The following ZNF600 variants were observed in gnomAD, a reference collection of about 807,000 sequenced individuals.
ZNF600 encodes the protein zinc finger protein KR-ZNF1.
A neutral mutation model predicts 7.3 loss-of-function variants in ZNF600; 4 were observed. The observed-to-expected ratio is 0.55, with a 90% CI of 0.27 to 1.25. The LOEUF (loss-of-function observed/expected upper bound fraction) is 1.25. Ranked by LOEUF, ZNF600 falls within the 50% of genes most tolerant of loss-of-function variation. The pLI, the probability that ZNF600 is intolerant of heterozygous loss-of-function variation, is 0.12. For missense variants in ZNF600, 911 were observed against 922.1 expected (o/e 0.99, Z 0.16); for synonymous variants, 290 against 308.9 (o/e 0.94, Z 0.64).
chr19:52,772,018 T>C (rs1010525374), intron 3 of ZNF600, among the ~76,000 whole-genome samples: 1 of 152,198 alleles, frequency 6.6e-6, no homozygotes, highest in African/African-American at 2.4e-5. Context: ...ACAAAGGAAG[T>C]TGAGTGTGTA....
At chr19:52,810,249 C>A in the ZNF600 span, 1 of 1,279,896 alleles carries the variant, frequency 7.8e-7, no homozygotes, top group Non-Finnish European at 1.1e-6. Flanking sequence ...GAGTCTACCT[C>A]CAGGCAATGC....
At chr19:52,822,763 T>C in the ZNF600 span, among the ~76,000 whole-genome samples, 1 of 152,184 alleles carries the variant, frequency 6.6e-6, no homozygotes, top group African/African-American at 2.4e-5. Flanking sequence ...CCACGTCTTT[T>C]TGACAAGTGT....
intron 1 of ZNF600, among the ~76,000 whole-genome samples, chr19:52,784,120 G>A (rs1362028318): frequency 6.6e-6 from 1 of 152,104 alleles, no homozygotes; most frequent in Non-Finnish European, 1.5e-5. Flanking sequence ...CCGGCATGGC[G>A]GCTCATCCCT....
chr19:52,812,207 C>T, the ZNF600 span, among the ~76,000 whole-genome samples: 36 of 133,372 alleles, frequency 2.7e-4, 4 homozygotes, highest in Admixed American at 4.4e-4. Context: ...TCTGCCCGGC[C>T]GCCCCTACTG....
the ZNF600 span, among the ~76,000 whole-genome samples, chr19:52,822,795 G>A: frequency 2.0e-5 from 3 of 152,154 alleles, no homozygotes; most frequent in Non-Finnish European, 4.4e-5. Flanking sequence ...CATGGAGGCA[G>A]GTGCCGTCTC....
chr19:52,830,860 T>C, the ZNF600 span, among the ~76,000 whole-genome samples: 5 of 142,726 alleles, frequency 3.5e-5, no homozygotes, highest in East Asian at 2.1e-4. Flanking sequence ...GAGTGAACTT[T>C]GTGCATGCAC....
chr19:52,803,389 G>C, the ZNF600 span, among the ~76,000 whole-genome samples: 1 of 152,080 alleles, frequency 6.6e-6, no homozygotes, highest in Admixed American at 6.6e-5. Context: ...GGCACTTTGT[G>C]ACATTATCTA....
the ZNF600 span, among the ~76,000 whole-genome samples, chr19:52,831,419 C>T: frequency 6.6e-6 from 1 of 152,096 alleles, no homozygotes; most frequent in African/African-American, 2.4e-5. Flanking sequence ...AAGCAATTCT[C>T]TTGCCTCAGC....
intron 3 of ZNF600, among the ~76,000 whole-genome samples, chr19:52,771,274 T>C (rs80134449): frequency 6.6e-6 from 1 of 152,056 alleles, no homozygotes; most frequent in Admixed American, 6.6e-5. Flanking sequence ...TGACATCTTG[T>C]TCTTGGATTT....
chr19:52,800,376 G>C, the ZNF600 span: 10 of 1,614,004 alleles, frequency 6.2e-6, no homozygotes, highest in South Asian at 5.5e-5. Flanking sequence ...TTTCTCTCCA[G>C]TATGAATCCT....
chr19:52,783,711 T>A (rs2062742292), intron 1 of ZNF600, among the ~76,000 whole-genome samples: 1 of 152,154 alleles, frequency 6.6e-6, no homozygotes, highest in African/African-American at 2.4e-5. Flanking sequence ...TCTCCATCTG[T>A]TTCTTTTCTG....
chr19:52,771,629 C>T (rs1327285642), intron 3 of ZNF600, among the ~76,000 whole-genome samples: 3 of 152,082 alleles, frequency 2.0e-5, no homozygotes, highest in African/African-American at 7.2e-5. Flanking sequence ...AGGTGTATAC[C>T]AACACACCCA....
At chr19:52,809,743 T>C in the ZNF600 span, 14 of 425,730 alleles carry the variant, frequency 3.3e-5, no homozygotes, top group Admixed American at 4.8e-4. Context: ...AGGAGGGGGT[T>C]GCAGTGAGCT....
At chr19:52,809,938 T>C in the ZNF600 span, 8 of 858,824 alleles carry the variant, frequency 9.3e-6, no homozygotes, top group Non-Finnish European at 1.5e-5. Flanking sequence ...GCCGGGGAGG[T>C]TGCCCCGGGG....
chr19:52,811,404 G>T, the ZNF600 span, among the ~76,000 whole-genome samples: 1,277 of 141,264 alleles, frequency 9.0e-3, 10 homozygotes, highest in Middle Eastern at 0.022. Flanking sequence ...TCTGGAAAGT[G>T]AGGAGCGTCT....
chr19:52,825,571 G>C, the ZNF600 span, among the ~76,000 whole-genome samples: 2 of 152,074 alleles, frequency 1.3e-5, no homozygotes, highest in African/African-American at 4.8e-5. Flanking sequence ...TACTCAGTTG[G>C]CTGAGGCTAG....
the ZNF600 span, among the ~76,000 whole-genome samples, chr19:52,831,794 G>T: frequency 1.3e-5 from 2 of 151,674 alleles, no homozygotes; most frequent in East Asian, 3.9e-4. Context: ...ATGTGCCACT[G>T]CTCCCATCCT....
At chr19:52,825,268 A>G in the ZNF600 span, among the ~76,000 whole-genome samples, 2 of 152,166 alleles carry the variant, frequency 1.3e-5, no homozygotes, top group East Asian at 3.9e-4. Context: ...GGAAGGACTC[A>G]CGTGTCTTCA....
At chr19:52,811,904 C>G in the ZNF600 span, among the ~76,000 whole-genome samples, 27 of 121,314 alleles carry the variant, frequency 2.2e-4, no homozygotes, top group Admixed American at 1.5e-3. Flanking sequence ...GACAGCCCCC[C>G]GCCCGGCCAG....
Sources: allele counts gnomAD v4.1 joint callset (sites outside exome capture counted in the v4.1 genomes callset), GRCh38; gene constraint gnomAD v4.1.1; transcripts MANE v1.5; gene names NCBI Gene and HGNC (gene_info 2026-07-23, HGNC 2026-07-21).